The following EIF3H variants were observed in gnomAD, a reference collection of about 807,000 sequenced individuals.
The protein encoded by EIF3H is eukaryotic translation initiation factor 3 subunit H.
Under a neutral mutation model 44.2 loss-of-function variants are expected in EIF3H, and 26 were observed. That is an observed-to-expected ratio of 0.59 (90% CI 0.43 to 0.82). The LOEUF is 0.82. EIF3H is among the 40% of genes least tolerant of loss of function. The pLI, the probability that EIF3H is intolerant of heterozygous loss-of-function variation, is 0.00. For missense variants in EIF3H, 359 were observed against 432.8 expected (o/e 0.83, Z 1.51); for synonymous variants, 166 against 151.9 (o/e 1.09, Z -0.68).
At chr8:116,671,082 T>C (rs898163145) in intron 2 of EIF3H, among the ~76,000 whole-genome samples, 4 of 152,216 alleles carry the variant, frequency 2.6e-5, no homozygotes, top group African/African-American at 7.2e-5. Flanking sequence ...ATGTTTAAAA[T>C]AGAATTAACT....
chr8:116,739,147 C>CGTTT (rs1412496100), intron 1 of EIF3H, among the ~76,000 whole-genome samples: 1 of 152,224 alleles, frequency 6.6e-6, no homozygotes, highest in African/African-American at 2.4e-5. Flanking sequence ...TAAAGGTGTT[C>CGTTT]TCAAACCACA....
At chr8:116,763,110 G>T (rs1317506269) in intron 1 of EIF3H, among the ~76,000 whole-genome samples, 1 of 152,212 alleles carries the variant, frequency 6.6e-6, no homozygotes, top group South Asian at 2.1e-4. Context: ...GTGGTTTTGT[G>T]AGAAATGTCA....
At chr8:116,755,968 A>T, upstream of EIF3H, 1 of 1,536,302 alleles carries the variant, frequency 6.5e-7, no homozygotes, top group Non-Finnish European at 8.7e-7. Context: ...TCCAGGCGGT[A>T]TCCTTTGTGC....
chr8:116,654,641 T>C (rs144378432), intron 5 of EIF3H, among the ~76,000 whole-genome samples: 65 of 152,340 alleles, frequency 4.3e-4, no homozygotes, highest in Non-Finnish European at 8.4e-4. Context: ...ATTATGAATA[T>C]ATGTTTGCAG....
chr8:116,674,019 G>A (rs867869371), intron 2 of EIF3H, among the ~76,000 whole-genome samples: 5 of 122,576 alleles, frequency 4.1e-5, no homozygotes, highest in African/African-American at 1.6e-4. Flanking sequence ...GCAGTGAGCC[G>A]AGATCTCGCC....
intron 1 of EIF3H, among the ~76,000 whole-genome samples, chr8:116,740,238 T>C (rs542049252): frequency 6.6e-6 from 1 of 152,300 alleles, no homozygotes; most frequent in Admixed American, 6.5e-5. Context: ...ACTTCTTAAT[T>C]TATGTCACGA....
chr8:116,674,831 T>G (rs767298690), intron 2 of EIF3H, among the ~76,000 whole-genome samples: 6 of 152,148 alleles, frequency 3.9e-5, no homozygotes, highest in Non-Finnish European at 8.8e-5. Flanking sequence ...ATTTTAATTC[T>G]AAGACATCAT....
intron 1 of EIF3H, among the ~76,000 whole-genome samples, chr8:116,750,048 G>A (rs1356699624): frequency 6.6e-6 from 1 of 152,294 alleles, no homozygotes; most frequent in African/African-American, 2.4e-5. Flanking sequence ...ATATATGACT[G>A]AGAATGGTCA....
At chr8:116,728,684 T>A (rs939452202) in intron 1 of EIF3H, among the ~76,000 whole-genome samples, 1 of 152,118 alleles carries the variant, frequency 6.6e-6, no homozygotes, top group African/African-American at 2.4e-5. Flanking sequence ...AACCTACACA[T>A]TCCTGTATGA....
chr8:116,750,842 C>T (rs1815324598), intron 1 of EIF3H, among the ~76,000 whole-genome samples: 1 of 152,126 alleles, frequency 6.6e-6, no homozygotes, highest in African/African-American at 2.4e-5. Context: ...TTTGGTCCTT[C>T]AATTCAATGG....
upstream of EIF3H, among the ~76,000 whole-genome samples, chr8:116,758,303 A>G (rs1815481448): frequency 6.6e-6 from 1 of 152,244 alleles, no homozygotes; most frequent in Non-Finnish European, 1.5e-5. Context: ...TCAATCACAA[A>G]GAACACATGA....
intron 1 of EIF3H, among the ~76,000 whole-genome samples, chr8:116,747,072 G>GT (rs34180763): frequency 0.13 from 20,119 of 151,358 alleles, 1,569 homozygotes; most frequent in East Asian, 0.42. Flanking sequence ...TTGTTTTTTT[G>GT]TTTTTTTTGA....
At chr8:116,671,854 C>A (rs1813762418) in intron 2 of EIF3H, among the ~76,000 whole-genome samples, 1 of 152,188 alleles carries the variant, frequency 6.6e-6, no homozygotes, top group Non-Finnish European at 1.5e-5. Flanking sequence ...CAGCTTCATA[C>A]CTTGTAAAAT....
chr8:116,745,825 G>A (rs1256338609), intron 1 of EIF3H, among the ~76,000 whole-genome samples: 1 of 151,970 alleles, frequency 6.6e-6, no homozygotes, highest in Non-Finnish European at 1.5e-5. Context: ...AGGCTGAGGG[G>A]CACGAGAATC....
intron 2 of EIF3H, among the ~76,000 whole-genome samples, chr8:116,686,167 T>G (rs1814075435): frequency 6.6e-6 from 1 of 152,174 alleles, no homozygotes; most frequent in South Asian, 2.1e-4. Context: ...CCTTCCCTAC[T>G]GGACTATACT....
At chr8:116,735,648 C>T (rs1815022103) in intron 1 of EIF3H, among the ~76,000 whole-genome samples, 1 of 152,018 alleles carries the variant, frequency 6.6e-6, no homozygotes, top group African/African-American at 2.4e-5. Context: ...GAGAATAAGC[C>T]AAAACACCAC....
At chr8:116,724,066 A>G (rs948509428) in intron 2 of EIF3H, among the ~76,000 whole-genome samples, 1 of 152,350 alleles carries the variant, frequency 6.6e-6, no homozygotes, top group Middle Eastern at 3.4e-3. Flanking sequence ...ACAAAGCTGG[A>G]GTAATCCAAA....
chr8:116,730,882 C>T (rs1431079699), intron 1 of EIF3H, among the ~76,000 whole-genome samples: 2 of 152,210 alleles, frequency 1.3e-5, no homozygotes, highest in Non-Finnish European at 2.9e-5. Flanking sequence ...TCCTTACAAC[C>T]ACCCTGTGAA....
At chr8:116,714,095 A>G (rs1346682141) in intron 2 of EIF3H, among the ~76,000 whole-genome samples, 1 of 152,162 alleles carries the variant, frequency 6.6e-6, no homozygotes, top group Non-Finnish European at 1.5e-5. Context: ...ATATCTGAAA[A>G]GTATTTTCAA....
Sources: gnomAD v4.1 joint callset for allele counts (sites outside exome capture counted in the v4.1 genomes callset) on GRCh38, gnomAD v4.1.1 for gene constraint, MANE v1.5 for transcripts, NCBI Gene and HGNC (gene_info 2026-07-23, HGNC 2026-07-21) for gene names.